The following DNAAF10 variants were observed in gnomAD, a reference collection of about 807,000 sequenced individuals.
The protein encoded by DNAAF10 is WD repeat domain 92.
In DNAAF10, 28 loss-of-function variants were observed where a neutral mutation model predicts 43.7. That is an observed-to-expected ratio of 0.64 (90% confidence interval 0.48 to 0.88). The LOEUF (loss-of-function observed/expected upper bound fraction) is 0.88. DNAAF10 is among the 40% of genes least tolerant of loss of function. The pLI, the probability that DNAAF10 is intolerant of heterozygous loss-of-function variation, is 0.00. For synonymous variants in DNAAF10, 156 were observed against 157.3 expected, an observed-to-expected ratio of 0.99 and a Z score of 0.06; for missense variants, 403 against 439.1, an observed-to-expected ratio of 0.92 and a Z score of 0.73.
Position 68,131,692 on chromosome 2 carries a change from C to T in DNAAF10, c.867-247G>A, listed in dbSNP as rs190061999. The T allele has an allele frequency of 1.3e-3, 556 of 428,672 alleles. 3 individuals are homozygous for T. Among genetic ancestry groups the T allele is most frequent in the African/African-American group, 1.8e-3 (89 of 50,568 alleles). The allele number at this position is 428,672 out of a possible 1,614,324, so 26.6% of individuals were successfully genotyped here. Reference sequence around the variant, plus strand: ...ACTTCTAAAAGTCATTTCTGCTCAACGTGTATCTGTATTTTCTCTTTTAAT... The same window carrying T: ...ACTTCTAAAAGTCATTTCTGCTCAATGTGTATCTGTATTTTCTCTTTTAAT... On this transcript the variant is annotated intron_variant, in intron 7 of 7. Transcript: ENST00000295121.
intron 1 of DNAAF10, among the ~76,000 whole-genome samples, chr2:68,147,907 G>C (rs941170364): frequency 6.6e-6 from 1 of 152,152 alleles, no homozygotes; most frequent in African/African-American, 2.4e-5. Context: ...ACATAATGAA[G>C]ATATTATCTT....
At chr2:68,147,386 C>A (rs1673343511) in intron 2 of DNAAF10, 81 bp downstream of exon 2, 4 of 1,031,194 alleles carry the variant, frequency 3.9e-6, no homozygotes, top group Non-Finnish European at 5.8e-6. Context: ...AATTAAAATT[C>A]TCTCTTTCAG....
In DNAAF10 at chr2:68,144,606, T is replaced by A. The variant is rs1673270715; in HGVS notation, c.394A>T (p.Ile132Phe). The A allele has an allele frequency of 6.2e-7, 1 of 1,613,838 alleles. No individual in the cohort carries two copies. The highest frequency in any genetic ancestry group is 8.5e-7 in the Non-Finnish European group (1 of 1,179,954). ...TCACCATCTCGGCTGCCAGTCACAA[T>A]TTCAGGTGCTCCTTCTCCAATTCCT... The part of the protein sequence containing the change: ...GLGIGEGAPE[I>F]VTGSRDGTVK... The change falls in exon 3 of 8, where the codon ATT (isoleucine) becomes TTT (phenylalanine). Residue 132 changes from isoleucine to phenylalanine, a missense_variant. Physicochemically the swap from Ile to Phe is conservative, Grantham distance 21. Coordinates refer to ENST00000295121, the MANE Select transcript of DNAAF10 (RefSeq NM_138458.4).
intron 6 of DNAAF10, 44 bp from the exon 7 acceptor site, chr2:68,134,843 G>A (rs1209269049): frequency 6.2e-7 from 1 of 1,604,744 alleles, no homozygotes; most frequent in South Asian, 1.1e-5. Context: ...ATGCTAAATG[G>A]TGCCCTGGAA....
In DNAAF10 at chr2:68,157,251, C is replaced by T. The variant is rs769250317; in HGVS notation, c.183+10G>A. 5.6e-6 allele frequency: 9 copies of T among 1,609,284 alleles called. No homozygotes were observed. The South Asian group carries it at 8.9e-5, about 16-fold the overall frequency. Reference sequence around the variant, plus strand: ...CCAACGGCAGTCCGGATCCTCGACCCGGCACCCACCTCCCGAAGCAGCTTC... The same window carrying T: ...CCAACGGCAGTCCGGATCCTCGACCTGGCACCCACCTCCCGAAGCAGCTTC... On this transcript the variant is annotated intron_variant, in intron 1 of 7. Transcript: ENST00000295121.
At chr2:68,144,322 G>C (rs1291101915) in intron 3 of DNAAF10, among the ~76,000 whole-genome samples, 1 of 152,162 alleles carries the variant, frequency 6.6e-6, no homozygotes, top group Non-Finnish European at 1.5e-5. Flanking sequence ...AGGTTCAGAG[G>C]AAACCATCAT....
chr2:68,142,123 T>A (rs1460522293), intron 3 of DNAAF10, among the ~76,000 whole-genome samples: 1 of 152,224 alleles, frequency 6.6e-6, no homozygotes, highest in Non-Finnish European at 1.5e-5. Context: ...GAATGTGTTA[T>A]TTTTTAGGGA....
chr2:68,131,145 C>T lies in DNAAF10; in HGVS notation c.*93G>A. On this transcript the variant is annotated 3_prime_UTR_variant, in exon 8 of 8. Transcript: ENST00000295121. The stretch of plus-strand genomic sequence containing the variant: ...ATGTTAGCCAGGATGGTCTCGATCT[C>T]CTGACCTTCTGATCCACCCGCCTCG... 1.6e-6 allele frequency: 2 copies of T among 1,272,322 alleles called. No homozygotes were observed. The highest frequency in any genetic ancestry group is 1.2e-5 in the South Asian group (1 of 82,750). The allele number at this position is 1,272,322 out of a possible 1,614,324, so 78.8% of individuals were successfully genotyped here. A position where few individuals can be genotyped will look rare whatever the true frequency, so the allele number is the denominator to read the frequency against.
chr2:68,153,246 T>C (rs1433169874), intron 1 of DNAAF10, among the ~76,000 whole-genome samples: 1 of 148,770 alleles, frequency 6.7e-6, no homozygotes, highest in African/African-American at 2.5e-5. Context: ...AGAACTAAGA[T>C]AAAGAAGACT....
chr2:68,144,456 A>G, intron 3 of DNAAF10, 129 bp downstream of exon 3: 2 of 1,201,130 alleles, frequency 1.7e-6, no homozygotes, highest in Non-Finnish European at 2.3e-6. Flanking sequence ...TTAAAAAAGT[A>G]GCAGCAAGAC....
intron 2 of DNAAF10, among the ~76,000 whole-genome samples, chr2:68,147,172 A>G (rs1673338118): frequency 6.6e-6 from 1 of 152,164 alleles, no homozygotes; most frequent in African/African-American, 2.4e-5. Flanking sequence ...TGGAGGGGGA[A>G]CAGACCTTTA....
Position 68,157,287 on chromosome 2 carries a change from G to A in DNAAF10, c.157C>T (p.His53Tyr), listed in dbSNP as rs768074373. The part of the protein sequence containing the change: ...TGVIQLYEIQ[H>Y]GDLKLLREIE... ...TCCCGAAGCAGCTTCAGGTCCCCGTGCTGGATCTCGTACAGCTGAATGACG... is the reference window on the plus strand; with the variant it reads ...TCCCGAAGCAGCTTCAGGTCCCCGTACTGGATCTCGTACAGCTGAATGACG... Residue 53 changes from histidine (H) to tyrosine (Y), a missense_variant, in exon 1 of 8, where the codon CAC becomes TAC. Coordinates refer to ENST00000295121, the MANE Select transcript of DNAAF10 (RefSeq NM_138458.4). The A allele has an allele frequency of 5.0e-6, 8 of 1,613,950 alleles. No homozygotes were observed. The Admixed American group carries it at 5.0e-5, about 10-fold the overall frequency.
At position 68,133,174 on chromosome 2, in the gene DNAAF10, C is replaced by T. The variant is rs917620874; in HGVS notation, c.866+1528G>A. ...CTCTCTACCCCACATTCTCCCAGAA[C>T]GACTCAAACTTTTCCTCTGCTTTTC... On this transcript the variant is annotated intron_variant, in intron 7 of 7. Transcript: ENST00000295121. Among the ~76,000 whole-genome samples the T allele has an allele frequency of 2.0e-5, 3 of 152,260 alleles. No individual in the cohort carries two copies. In the South Asian group the frequency reaches 6.2e-4, roughly 32 times the overall value.
At chr2:68,145,232 A>G (rs1463640055) in intron 2 of DNAAF10, among the ~76,000 whole-genome samples, 1 of 151,768 alleles carries the variant, frequency 6.6e-6, no homozygotes, top group Non-Finnish European at 1.5e-5. Context: ...AAAAAAAAAA[A>G]GAAAGAAAAG....
intron 5 of DNAAF10, 54 bp from the exon 6 acceptor site, chr2:68,137,487 C>A (rs1471993867): frequency 6.8e-7 from 1 of 1,461,492 alleles, no homozygotes; most frequent in Non-Finnish European, 9.2e-7. Flanking sequence ...ACTCAGGAGG[C>A]TCTTTTATAC....
chr2:68,154,147 G>A (rs1029716342), intron 1 of DNAAF10, among the ~76,000 whole-genome samples: 4 of 151,978 alleles, frequency 2.6e-5, no homozygotes, highest in Non-Finnish European at 4.4e-5. Flanking sequence ...AAATCTCTTC[G>A]GTCCTTGTTA....
intron 7 of DNAAF10, chr2:68,134,395 A>G: frequency 9.0e-7 from 1 of 1,108,332 alleles, no homozygotes; most frequent in Non-Finnish European, 1.1e-6. Context: ...TTTTAGAGGC[A>G]GTGAGTGTTC....
In DNAAF10 at chr2:68,131,375, G is replaced by A; in HGVS notation, c.937C>T (p.Leu313Phe). 2 of 1,614,128 alleles carry A rather than the reference G, an allele frequency of 1.2e-6. 1 individual carries two copies. The highest frequency in any genetic ancestry group is 1.7e-6 in the Non-Finnish European group (2 of 1,180,042). Residue 313 changes from leucine (L) to phenylalanine (F), a missense_variant, in exon 8 of 8, where the codon CTT becomes TTT. Coordinates refer to ENST00000295121, the MANE Select transcript of DNAAF10 (RefSeq NM_138458.4). ...GTGGACAACGTAACATTCTGCAGAA[G>A]GCTTACAGAACCTGCGACTCCCATT... is the stretch of plus-strand genomic sequence containing the variant. Reference protein sequence around the residue: ...IEMGVAGSVSLLQNVTLSTQP... With the variant: ...IEMGVAGSVSFLQNVTLSTQP...
chr2:68,134,229 T>C (rs967117324), intron 7 of DNAAF10: 3 of 992,696 alleles, frequency 3.0e-6, no homozygotes, highest in Non-Finnish European at 3.6e-6. Context: ...GTGGTGTGCA[T>C]AGTAAAAGCT....
Sources: gnomAD v4.1 joint callset for allele counts (sites outside exome capture counted in the v4.1 genomes callset) on GRCh38, gnomAD v4.1.1 for gene constraint, MANE v1.5 for transcripts, NCBI Gene and HGNC (gene_info 2026-07-23, HGNC 2026-07-21) for gene names.